The following UTS2B variants were observed in gnomAD, a reference collection of about 807,000 sequenced individuals.
The protein encoded by UTS2B is urotensin 2B.
In UTS2B, 21 loss-of-function variants were observed where a neutral mutation model predicts 19.2. The observed-to-expected ratio is 1.09, with a 90% CI of 0.78 to 1.58. The LOEUF (loss-of-function observed/expected upper bound fraction) is 1.58. Among genes scored for constraint, UTS2B ranks in the 40% most tolerant of loss-of-function variants. The probability of loss-of-function intolerance (pLI) is 0.00; values close to 1 mark genes in which losing one functional copy is unlikely to be tolerated. For synonymous variants in UTS2B, 57 were observed against 50.2 expected (o/e 1.14, Z -0.58); for missense variants, 138 against 130.3 (o/e 1.06, Z -0.29).
intron 2 of UTS2B, among the ~76,000 whole-genome samples, chr3:191,319,910 C>A (rs764018620): frequency 1.1e-4 from 17 of 148,776 alleles, no homozygotes; most frequent in Middle Eastern, 3.2e-3. Flanking sequence ...AAAAACCTTA[C>A]TTTTTGGAAA....
intron 8 of UTS2B, among the ~76,000 whole-genome samples, chr3:191,272,075 C>T (rs1355624958): frequency 6.6e-6 from 1 of 152,140 alleles, no homozygotes; most frequent in African/African-American, 2.4e-5. Flanking sequence ...TTGGAGACCA[C>T]GTGTTCCACA....
At chr3:191,268,999 T>C (rs950486476) in intron 8 of UTS2B, among the ~76,000 whole-genome samples, 4 of 152,248 alleles carry the variant, frequency 2.6e-5, no homozygotes, top group African/African-American at 9.6e-5. Flanking sequence ...GATCATAAAA[T>C]GATTCTTCAG....
At chr3:191,344,473 T>C in the UTS2B span, among the ~76,000 whole-genome samples, 1 of 152,244 alleles carries the variant, frequency 6.6e-6, no homozygotes, top group African/African-American at 2.4e-5. Context: ...GCGGCTACCA[T>C]ATATAGTGTG....
chr3:191,276,221 T>C (rs1406643881), intron 7 of UTS2B, among the ~76,000 whole-genome samples: 1 of 152,206 alleles, frequency 6.6e-6, no homozygotes, highest in Non-Finnish European at 1.5e-5. Flanking sequence ...GACCACTCTT[T>C]ATCTCCATGT....
chr3:191,285,089 A>G (rs1280816137), intron 4 of UTS2B, among the ~76,000 whole-genome samples: 1 of 152,262 alleles, frequency 6.6e-6, no homozygotes, highest in Non-Finnish European at 1.5e-5. Flanking sequence ...TCTTTAGTAC[A>G]AAAGTTAAAA....
chr3:191,275,011 A>G (rs1221561023), intron 8 of UTS2B, among the ~76,000 whole-genome samples: 1 of 152,256 alleles, frequency 6.6e-6, no homozygotes, highest in Non-Finnish European at 1.5e-5. Context: ...CAGAGTTTAT[A>G]CAATAAGGAC....
intron 3 of UTS2B, among the ~76,000 whole-genome samples, chr3:191,312,542 A>T (rs1311950252): frequency 9.2e-5 from 14 of 152,124 alleles, no homozygotes; most frequent in Admixed American, 9.2e-4. Context: ...GCAACTTTGT[A>T]ATTATAAATG....
upstream of UTS2B, among the ~76,000 whole-genome samples, chr3:191,333,451 T>C (rs1213690038): frequency 2.6e-5 from 4 of 152,208 alleles, no homozygotes; most frequent in East Asian, 7.7e-4. Context: ...ACTAGGCATC[T>C]AAACAGATGG....
At chr3:191,270,268 C>G (rs1716051222) in intron 8 of UTS2B, among the ~76,000 whole-genome samples, 3 of 152,178 alleles carry the variant, frequency 2.0e-5, no homozygotes, top group African/African-American at 7.2e-5. Context: ...ACAACCATAG[C>G]TCACTGCAAC....
At chr3:191,296,398 T>G (rs1716859404) in intron 4 of UTS2B, among the ~76,000 whole-genome samples, 1 of 152,216 alleles carries the variant, frequency 6.6e-6, no homozygotes, top group East Asian at 1.9e-4. Flanking sequence ...CACTCCACTG[T>G]GTACATTTCC....
the UTS2B span, among the ~76,000 whole-genome samples, chr3:191,339,476 C>T: frequency 6.6e-6 from 1 of 152,194 alleles, no homozygotes; most frequent in Non-Finnish European, 1.5e-5. Context: ...TAGATACAGG[C>T]TGCCCCTGAT....
intron 2 of UTS2B, among the ~76,000 whole-genome samples, chr3:191,325,773 A>G (rs1717730502): frequency 6.6e-6 from 1 of 152,210 alleles, no homozygotes; most frequent in Non-Finnish European, 1.5e-5. Flanking sequence ...TCTTTAAGGA[A>G]GACATTTGGG....
At chr3:191,317,155 G>A (rs952107754) in intron 2 of UTS2B, among the ~76,000 whole-genome samples, 1 of 152,212 alleles carries the variant, frequency 6.6e-6, no homozygotes, top group Non-Finnish European at 1.5e-5. Flanking sequence ...CCTGCCCCGC[G>A]GGGAGGCGGC....
chr3:191,339,757 T>C, the UTS2B span, among the ~76,000 whole-genome samples: 3 of 152,240 alleles, frequency 2.0e-5, no homozygotes, highest in Admixed American at 6.5e-5. Context: ...TAGTGACTGA[T>C]AACATGGTCT....
chr3:191,308,621 A>T (rs998819593), intron 3 of UTS2B, among the ~76,000 whole-genome samples: 1 of 152,128 alleles, frequency 6.6e-6, no homozygotes, highest in South Asian at 2.1e-4. Flanking sequence ...GCCTCTATCC[A>T]TTTGATGTCA....
rs145169663 is a variant in UTS2B at position 191,294,985 on chromosome 3, C to T, written c.-125+9507G>A. ...GATTGAGCTTCCAGTGAGCTGAGATCGCGCCACTGCACTCCAGCCTGGGTG... is the reference window on the plus strand; with the variant it reads ...GATTGAGCTTCCAGTGAGCTGAGATTGCGCCACTGCACTCCAGCCTGGGTG... On this transcript the variant is annotated intron_variant, in intron 4 of 8. Transcript: ENST00000340524. 9.2e-3 allele frequency among the ~76,000 whole-genome samples: 1,404 copies of T among 151,820 alleles called. 54 individuals are homozygous for T. Among genetic ancestry groups the T allele is most frequent in the African/African-American group, 0.032 (1,311 of 41,210 alleles).
chr3:191,281,467 A>G (rs1415475330), intron 5 of UTS2B, among the ~76,000 whole-genome samples: 1 of 151,886 alleles, frequency 6.6e-6, no homozygotes, highest in Non-Finnish European at 1.5e-5. Flanking sequence ...TTATAATATT[A>G]TAAGAGCAGA....
chr3:191,331,246 T>C (rs140946910), upstream of UTS2B, among the ~76,000 whole-genome samples: 1 of 152,306 alleles, frequency 6.6e-6, no homozygotes, highest in East Asian at 1.9e-4. Flanking sequence ...CTGGTATGTA[T>C]AGTATTAATC....
At chr3:191,327,063 T>C (rs1717762194) in intron 2 of UTS2B, among the ~76,000 whole-genome samples, 1 of 152,256 alleles carries the variant, frequency 6.6e-6, no homozygotes, top group Admixed American at 6.5e-5. Flanking sequence ...AAGCACATCA[T>C]ATTTTAAGCA....
Sources: allele counts gnomAD v4.1 joint callset (sites outside exome capture counted in the v4.1 genomes callset), GRCh38; gene constraint gnomAD v4.1.1; transcripts MANE v1.5; gene names NCBI Gene and HGNC (gene_info 2026-07-23, HGNC 2026-07-21).